Variants in FRMD4A observed in about 807,000 individuals in gnomAD.
The protein encoded by FRMD4A is FERM domain containing 4A, also known as FERM domain-containing protein 4A.
A neutral mutation model predicts 129.1 loss-of-function variants in FRMD4A; 29 were observed. The observed-to-expected ratio is 0.22, with a 90% CI of 0.17 to 0.31. The LOEUF (loss-of-function observed/expected upper bound fraction) is 0.31, where lower values mean the gene tolerates loss of function less well. Among genes scored for constraint, FRMD4A ranks in the 10% least tolerant of loss-of-function variants. The pLI is 1.00. For synonymous variants in FRMD4A, 634 were observed against 571.6 expected (o/e 1.11, Z -1.56); for missense variants, 1,272 against 1,375.8 (o/e 0.92, Z 1.19).
At chr10:13,871,174 T>TCA (rs57726284) in intron 2 of FRMD4A, 76,502 of 166,282 alleles carry the variant, frequency 0.46, 17,797 homozygotes, top group South Asian at 0.6. Flanking sequence ...CTGCACGACT[T>TCA]CACTGACCTC....
At chr10:14,264,868 G>A (rs1019070620) in intron 2 of FRMD4A, among the ~76,000 whole-genome samples, 8 of 151,974 alleles carry the variant, frequency 5.3e-5, no homozygotes, top group Non-Finnish European at 1.0e-4. Context: ...TGCAATCTCC[G>A]CCTCCTGGGT....
At chr10:13,656,519 T>G in intron 22 of FRMD4A, 117 bp downstream of exon 22, 1 of 1,175,496 alleles carries the variant, frequency 8.5e-7, no homozygotes, top group Non-Finnish European at 1.1e-6. Context: ...AATTAATTAA[T>G]GATTCCCGTT....
intron 2 of FRMD4A, among the ~76,000 whole-genome samples, chr10:14,279,178 C>T (rs1016064631): frequency 7.7e-6 from 1 of 130,020 alleles, no homozygotes; most frequent in African/African-American, 2.8e-5. Flanking sequence ...GAGGAGGAAG[C>T]GGGATTTTTT....
Position 13,910,701 on chromosome 10 carries a change from T to C in FRMD4A, c.46-51789A>G, listed in dbSNP as rs546246143. Among the ~76,000 whole-genome samples, 9 of 151,794 alleles carry C rather than the reference T, an allele frequency of 5.9e-5. No individual in the cohort carries two copies. The South Asian group carries it at 1.7e-3, about 28-fold the overall frequency. On this transcript the variant is annotated intron_variant, in intron 2 of 24. Transcript: ENST00000357447. ...TTGATGGGAAAATAACTGATAAAGATTTTTTTTCCACAAATATGTGAGTGT... is the reference window on the plus strand; with the variant it reads ...TTGATGGGAAAATAACTGATAAAGACTTTTTTTCCACAAATATGTGAGTGT...
At chr10:14,052,654 G>A (rs11818856) in intron 2 of FRMD4A, among the ~76,000 whole-genome samples, 1 of 151,784 alleles carries the variant, frequency 6.6e-6, no homozygotes, top group Non-Finnish European at 1.5e-5. Flanking sequence ...CGCCTCCCAG[G>A]TTCAAGTGAT....
intron 2 of FRMD4A, among the ~76,000 whole-genome samples, chr10:13,896,249 G>A (rs2094756976): frequency 6.6e-6 from 1 of 152,136 alleles, no homozygotes; most frequent in Non-Finnish European, 1.5e-5. Flanking sequence ...ATTTACAATA[G>A]CAAAGACTTA....
chr10:13,651,852 T>A lies in FRMD4A; in HGVS notation c.*2+51A>T, dbSNP rs911626312. On this transcript the variant is annotated intron_variant, in intron 24 of 24. Coordinates refer to ENST00000357447, the MANE Select transcript of FRMD4A (RefSeq NM_018027.5). ...TGATGACATGGACAAAAGCAACACA[T>A]GTGGGACCACAGACTCATGGGCAGT... is the stretch of plus-strand genomic sequence containing the variant. The A allele has an allele frequency of 3.4e-6, 3 of 880,452 alleles. No individual in the cohort carries two copies. The Admixed American group carries it at 5.1e-5, about 15-fold the overall frequency. 54.5% of individuals were successfully genotyped at this position (880,452 alleles called of 1,614,324 possible).
In FRMD4A at chr10:13,833,143, T is replaced by C. The variant is rs149742506; in HGVS notation, c.112-22235A>G. On this transcript the variant is annotated intron_variant, in intron 3 of 24. Transcript: ENST00000357447. The stretch of plus-strand genomic sequence containing the variant: ...AGGAAGCCATGGTCCCTGACTGTAT[T>C]AGACTGTTCTCACATTGCCAATAAA... Among the ~76,000 whole-genome samples the C allele has an allele frequency of 1.5e-3, 222 of 152,276 alleles. 1 individual carries two copies. Among genetic ancestry groups the C allele is most frequent in the Middle Eastern group, 6.8e-3 (2 of 294 alleles).
chr10:13,905,876 G>C (rs550285617), intron 2 of FRMD4A, among the ~76,000 whole-genome samples: 17 of 152,360 alleles, frequency 1.1e-4, no homozygotes, highest in African/African-American at 3.8e-4. Context: ...CGAAGTCTCA[G>C]ATTGGTTTCT....
intron 2 of FRMD4A, among the ~76,000 whole-genome samples, chr10:14,239,019 C>T (rs1195757398): frequency 6.6e-6 from 1 of 152,166 alleles, no homozygotes; most frequent in Non-Finnish European, 1.5e-5. Flanking sequence ...CTTATTTCCT[C>T]ATGACCTGTA....
At chr10:13,926,761 C>G (rs989574017) in intron 2 of FRMD4A, among the ~76,000 whole-genome samples, 1 of 152,158 alleles carries the variant, frequency 6.6e-6, no homozygotes, top group Admixed American at 6.5e-5. Context: ...CGACAATGTA[C>G]AAGGATACAC....
chr10:14,242,062 A>G (rs1016719284), intron 2 of FRMD4A, among the ~76,000 whole-genome samples: 5 of 152,256 alleles, frequency 3.3e-5, no homozygotes, highest in East Asian at 3.9e-4. Context: ...CTAGCTCCAT[A>G]CTCACTACTC....
chr10:13,855,418 C>T (rs760738056), intron 3 of FRMD4A, among the ~76,000 whole-genome samples: 1 of 152,056 alleles, frequency 6.6e-6, no homozygotes, highest in Admixed American at 6.6e-5. Flanking sequence ...CCCAATCTGC[C>T]CCATCTTATT....
rs1423604557 is a variant in FRMD4A at position 13,784,771 on chromosome 10, C to T, written c.300-1765G>A. Among the ~76,000 whole-genome samples, 3 of 152,108 alleles carry T rather than the reference C, an allele frequency of 2.0e-5. 1 individual carries two copies. Among genetic ancestry groups the T allele is most frequent in the South Asian group, 4.2e-4 (2 of 4,818 alleles). ...TGGGAGGCTGAGGTGGGGGGAATCA[C>T]CTGAGGTCAGGAGTTCGAAACCAGC... On this transcript the variant is annotated intron_variant, in intron 5 of 24. Coordinates refer to ENST00000357447, the MANE Select transcript of FRMD4A (RefSeq NM_018027.5).
chr10:13,827,712 C>T (rs17154087), intron 3 of FRMD4A, among the ~76,000 whole-genome samples: 3,110 of 152,178 alleles, frequency 0.02, 126 homozygotes, highest in East Asian at 0.14. Context: ...GAGAGGGGTT[C>T]GGAGGTTCCG....
chr10:13,685,225 C>T, intron 15 of FRMD4A: 1 of 984,304 alleles, frequency 1.0e-6, no homozygotes, highest in Non-Finnish European at 1.2e-6. Flanking sequence ...TTTCAGAGAG[C>T]ATTGAAATTG....
intron 2 of FRMD4A, among the ~76,000 whole-genome samples, chr10:13,953,516 T>A (rs1477401824): frequency 1.3e-5 from 2 of 152,142 alleles, no homozygotes; most frequent in Non-Finnish European, 2.9e-5. Context: ...ACCTTCCCAC[T>A]CCATCCCGCC....
In FRMD4A at chr10:13,705,252, G is replaced by C. The variant is rs1233306741; in HGVS notation, c.836+1785C>G. 2.0e-5 allele frequency among the ~76,000 whole-genome samples: 3 copies of C among 152,310 alleles called. No individual in the cohort carries two copies. In the Middle Eastern group the frequency reaches 0.01, roughly 518 times the overall value. ...TAATAGGCGACAGGCCCACTGAATA[G>C]TCACGTGTGAGATCTAGATTCTTTC... On this transcript the variant is annotated intron_variant, in intron 13 of 24. Coordinates refer to ENST00000357447, the MANE Select transcript of FRMD4A (RefSeq NM_018027.5).
chr10:13,740,048 C>T (rs2135050359), intron 11 of FRMD4A, 146 bp downstream of exon 11: 3 of 630,116 alleles, frequency 4.8e-6, no homozygotes, highest in South Asian at 3.9e-5. Flanking sequence ...TGCAGTGAGC[C>T]AAGATCGCAC....
Sources: gnomAD v4.1 joint callset for allele counts (sites outside exome capture counted in the v4.1 genomes callset) on GRCh38, gnomAD v4.1.1 for gene constraint, MANE v1.5 for transcripts, NCBI Gene and HGNC (gene_info 2026-07-23, HGNC 2026-07-21) for gene names.